SLC8A1: variants seen among roughly 807,000 people sequenced by gnomAD.
SLC8A1 encodes the protein sodium/calcium exchanger 1.
In SLC8A1, 18 loss-of-function variants were observed where a neutral mutation model predicts 68.3. The observed-to-expected ratio is 0.26, with a 90% CI of 0.18 to 0.39. SLC8A1 has a LOEUF of 0.39. SLC8A1 is among the 10% of genes least tolerant of loss of function. The pLI is 1.00. For missense variants in SLC8A1, 985 were observed against 1,156.7 expected (o/e 0.85, Z 2.15); for synonymous variants, 475 against 415.5 (o/e 1.14, Z -1.74).
intron 4 of SLC8A1, among the ~76,000 whole-genome samples, chr2:40,166,992 G>C (rs1238301534): frequency 1.3e-5 from 2 of 152,124 alleles, no homozygotes; most frequent in East Asian, 3.8e-4. Flanking sequence ...CTTTTAATGG[G>C]ACTCAAGGCA....
intron 2 of SLC8A1, among the ~76,000 whole-genome samples, chr2:40,387,233 T>C (rs764395111): frequency 6.6e-5 from 10 of 151,434 alleles, no homozygotes; most frequent in Non-Finnish European, 1.0e-4. Flanking sequence ...ACTTGGATAT[T>C]TTGTTCCTCT....
chr2:40,158,507 T>C (rs1334369078), intron 6 of SLC8A1, among the ~76,000 whole-genome samples: 2 of 152,198 alleles, frequency 1.3e-5, no homozygotes, highest in Admixed American at 6.6e-5. Context: ...GCACAATATA[T>C]TGTATGACAA....
intron 2 of SLC8A1, among the ~76,000 whole-genome samples, chr2:40,240,566 C>T (rs1178195385): frequency 1.3e-5 from 2 of 152,208 alleles, no homozygotes; most frequent in East Asian, 3.8e-4. Context: ...CTATTGTTCA[C>T]ATGTTTGGAC....
At chr2:40,471,254 G>A (rs1027865510) in intron 1 of SLC8A1, among the ~76,000 whole-genome samples, 6 of 152,130 alleles carry the variant, frequency 3.9e-5, no homozygotes, top group African/African-American at 1.2e-4. Context: ...CCTAAGCAGG[G>A]CCGTGGACCC....
At chr2:40,291,350 A>C (rs2069279251) in intron 2 of SLC8A1, among the ~76,000 whole-genome samples, 1 of 152,152 alleles carries the variant, frequency 6.6e-6, no homozygotes, top group Non-Finnish European at 1.5e-5. Context: ...TGAGTTTCTC[A>C]CTGTGTTCAT....
intron 6 of SLC8A1, among the ~76,000 whole-genome samples, chr2:40,146,824 G>A (rs1478526651): frequency 2.6e-5 from 4 of 152,098 alleles, no homozygotes; most frequent in Admixed American, 1.3e-4. Flanking sequence ...ATCCCTACCC[G>A]CTTCTTCCAA....
intron 2 of SLC8A1, 59 bp from the exon 3 acceptor site, chr2:40,178,552 A>G (rs145868268): frequency 5.6e-6 from 8 of 1,434,302 alleles, no homozygotes; most frequent in Middle Eastern, 1.8e-4. Context: ...GAGAAGGAAC[A>G]TAGAGAAGAG....
rs4381820 is a variant in SLC8A1 at position 40,283,530 on chromosome 2, T to G, written c.1809-105675A>C. On this transcript the variant is annotated intron_variant, in intron 2 of 7. Coordinates refer to ENST00000406785, the Ensembl canonical transcript of SLC8A1. Reference sequence around the variant, plus strand: ...CAGCTGCCAATAGCACTGAGAAGATTTTCACATACCCAGCACTGTTTTTGT... The same window carrying G: ...CAGCTGCCAATAGCACTGAGAAGATGTTCACATACCCAGCACTGTTTTTGT... 8.5e-4 allele frequency among the ~76,000 whole-genome samples: 129 copies of G among 152,294 alleles called. 1 individual carries two copies. In the East Asian group the frequency reaches 0.023, roughly 27 times the overall value.
chr2:40,278,219 C>T (rs2067020759), intron 2 of SLC8A1, among the ~76,000 whole-genome samples: 1 of 152,000 alleles, frequency 6.6e-6, no homozygotes, highest in Non-Finnish European at 1.5e-5. Context: ...ACCTGTAATC[C>T]CAGCACTTTG....
intron 7 of SLC8A1, among the ~76,000 whole-genome samples, chr2:40,136,586 G>A (rs1477606795): frequency 5.9e-5 from 9 of 152,028 alleles, no homozygotes; most frequent in Admixed American, 3.3e-4. Context: ...CCAAAACATG[G>A]GCCTAGAGAA....
chr2:40,476,034 G>A (rs1356677241), intron 1 of SLC8A1, among the ~76,000 whole-genome samples: 1 of 152,108 alleles, frequency 6.6e-6, no homozygotes, highest in Non-Finnish European at 1.5e-5. Context: ...TTGGCACAAA[G>A]CATGAAAATA....
chr2:40,230,283 A>G (rs888939215), intron 2 of SLC8A1, among the ~76,000 whole-genome samples: 1 of 152,196 alleles, frequency 6.6e-6, no homozygotes, highest in Non-Finnish European at 1.5e-5. Context: ...CTTGGCTCCA[A>G]ATAAAGCCTG....
chr2:40,146,579 A>T (rs1305868960), intron 6 of SLC8A1, among the ~76,000 whole-genome samples: 1 of 152,108 alleles, frequency 6.6e-6, no homozygotes, highest in African/African-American at 2.4e-5. Flanking sequence ...ATGTGGAATC[A>T]GTGGGAACCC....
chr2:40,101,290 A>T (rs1471864117), exon 8 of SLC8A1: 1 of 152,018 alleles, frequency 6.6e-6, no homozygotes, highest in African/African-American at 2.4e-5. Flanking sequence ...TAAAACTAAA[A>T]CTCACTCATA....
intron 2 of SLC8A1, among the ~76,000 whole-genome samples, chr2:40,256,094 G>A (rs528042039): frequency 3.2e-4 from 48 of 152,298 alleles, no homozygotes; most frequent in African/African-American, 9.6e-4. Flanking sequence ...ATGAGACTGT[G>A]ACCTGGCAAT....
intron 1 of SLC8A1, among the ~76,000 whole-genome samples, chr2:40,444,516 A>T (rs1701079204): frequency 6.6e-6 from 1 of 152,046 alleles, no homozygotes; most frequent in Non-Finnish European, 1.5e-5. Flanking sequence ...CACTACACCA[A>T]CACCAATTGC....
At chr2:40,240,628 C>G (rs2061092491) in intron 2 of SLC8A1, among the ~76,000 whole-genome samples, 1 of 152,208 alleles carries the variant, frequency 6.6e-6, no homozygotes, top group Non-Finnish European at 1.5e-5. Flanking sequence ...GATATATAAG[C>G]TATGCAAAGC....
chr2:40,441,397 A>G (rs894293290), intron 1 of SLC8A1, among the ~76,000 whole-genome samples: 3 of 34,228 alleles, frequency 8.8e-5, no homozygotes, highest in African/African-American at 7.5e-4. Context: ...TAGAATTAGA[A>G]AAAAAAAAAA....
intron 2 of SLC8A1, among the ~76,000 whole-genome samples, chr2:40,204,584 C>T (rs1452681203): frequency 2.0e-5 from 3 of 151,984 alleles, no homozygotes; most frequent in Admixed American, 2.0e-4. Context: ...TCTAATGACT[C>T]TATCCCTTTG....
Sources: allele counts gnomAD v4.1 joint callset (sites outside exome capture counted in the v4.1 genomes callset), GRCh38; gene constraint gnomAD v4.1.1; transcripts MANE v1.5; gene names NCBI Gene and HGNC (gene_info 2026-07-23, HGNC 2026-07-21).